NBPF12: variants seen among roughly 807,000 people sequenced by gnomAD.
NBPF12 encodes NBPF family member NBPF12.
In NBPF12, 115 loss-of-function variants were observed where a neutral mutation model predicts 146.4. The ratio of observed to expected loss-of-function variants is 0.79; its 90% CI spans 0.68 to 0.92. NBPF12 has a LOEUF of 0.92. Ranked by LOEUF, NBPF12 falls within the 40% of genes least tolerant of loss-of-function variation. The probability of loss-of-function intolerance (pLI) is 0.00; values close to 1 mark genes in which losing one functional copy is unlikely to be tolerated. For missense variants in NBPF12, 1,205 were observed against 1,326.8 expected, an observed-to-expected ratio of 0.91 and a Z score of 1.43; for synonymous variants, 385 against 508.9, an observed-to-expected ratio of 0.76 and a Z score of 3.28.
intron 7 of NBPF12, 118 bp from the exon 11 acceptor site, chr1:146,964,775 C>G: frequency 6.5e-7 from 1 of 1,533,174 alleles, no homozygotes; most frequent in East Asian, 2.2e-5. Flanking sequence ...AGGGAACCTC[C>G]ATTTTGCTTT....
intron 5 of NBPF12, 90 bp downstream of exon 8, chr1:146,962,353 G>T: frequency 2.7e-6 from 3 of 1,099,776 alleles, no homozygotes; most frequent in Admixed American, 3.4e-5. Flanking sequence ...GAACGAAGCT[G>T]GGCCAGGGAA....
At chr1:146,962,229 C>T in exon 5 of NBPF12, 1 of 1,607,450 alleles carries the variant, frequency 6.2e-7, no homozygotes, top group Non-Finnish European at 8.5e-7. Context: ...GGAGGAGAAG[C>T]TTGCAGAGCA....
At chr1:146,976,750 T>C (rs1657060508) in intron 16 of NBPF12, among the ~76,000 whole-genome samples, 179 bp from the exon 20 acceptor site, 1 of 150,754 alleles carries the variant, frequency 6.6e-6, no homozygotes, top group African/African-American at 2.5e-5. Flanking sequence ...AGATCAGAAA[T>C]GCATTGCCTG....
chr1:146,969,182 C>T (rs1656414640), intron 10 of NBPF12, among the ~76,000 whole-genome samples, 200 bp from the exon 14 acceptor site: 1 of 151,354 alleles, frequency 6.6e-6, no homozygotes, highest in Non-Finnish European at 1.5e-5. Flanking sequence ...GAGGATCTTG[C>T]AGGAGCCCTC....
rs1219140247 is a variant in NBPF12 at position 146,984,839 on chromosome 1, AAG to A, written c.2696_2697del (p.Glu899AlafsTer2). On this transcript the variant is annotated frameshift_variant, in exon 22 of 34. Transcript: ENST00000617844. LOFTEE classifies it high-confidence loss of function. ...CTCAGCAGGGAGCTGCTGGCTGAGA[AAG>A]AGCCTGAAGTCTTGCAGGACTCACT... The A allele has an allele frequency of 1.9e-6, 3 of 1,546,426 alleles. No individual in the cohort carries two copies. In the African/African-American group the frequency reaches 4.1e-5, roughly 21 times the overall value.
chr1:146,948,958 A>C (rs1436570657), upstream of NBPF12, among the ~76,000 whole-genome samples: 18 of 151,582 alleles, frequency 1.2e-4, no homozygotes, highest in Admixed American at 3.3e-4. Flanking sequence ...GTTTATGTAT[A>C]TGCACATCAA....
At chr1:146,949,275 G>A (rs1655220959), upstream of NBPF12, 1 of 148,182 alleles carries the variant, frequency 6.7e-6, no homozygotes, top group South Asian at 2.2e-4. Context: ...ACGCCCACAG[G>A]TGTGGAGGGG....
At chr1:146,945,411 C>T (rs1655007046), upstream of NBPF12, among the ~76,000 whole-genome samples, 1 of 151,502 alleles carries the variant, frequency 6.6e-6, no homozygotes, top group South Asian at 2.1e-4. Context: ...TTACCAGAAC[C>T]CTGCACTGTC....
chr1:146,971,065 C>T (rs1656579939), intron 12 of NBPF12, 118 bp from the exon 16 acceptor site: 11 of 1,530,920 alleles, frequency 7.2e-6, no homozygotes, highest in Non-Finnish European at 9.0e-6. Flanking sequence ...AGGGAACCTC[C>T]ATTTTGCTTT....
intron 2 of NBPF12, among the ~76,000 whole-genome samples, chr1:146,954,198 C>T (rs1553884134): frequency 2.0e-3 from 283 of 143,548 alleles, no homozygotes; most frequent in African/African-American, 6.6e-3. Flanking sequence ...GAGACCATCA[C>T]GCCTAACACA....
intron 8 of NBPF12, among the ~76,000 whole-genome samples, chr1:146,965,911 C>G (rs1656172936): frequency 1.3e-5 from 2 of 149,486 alleles, no homozygotes; most frequent in African/African-American, 4.9e-5. Flanking sequence ...AGATCGAAAC[C>G]AGCCTGTCCA....
intron 19 of NBPF12, among the ~76,000 whole-genome samples, chr1:146,980,762 C>T (rs1229600445): frequency 2.0e-5 from 3 of 147,340 alleles, no homozygotes; most frequent in Non-Finnish European, 4.5e-5. Flanking sequence ...CCATTTGACC[C>T]AGCCATCCCA....
At chr1:146,945,035 C>T (rs1654979818), upstream of NBPF12, among the ~76,000 whole-genome samples, 1 of 118,802 alleles carries the variant, frequency 8.4e-6, no homozygotes, top group African/African-American at 3.2e-5. Flanking sequence ...TTCCTTCCTC[C>T]CTCCCTCCCT....
At chr1:146,962,203 A>G in exon 5 of NBPF12, 1 of 1,608,630 alleles carries the variant, frequency 6.2e-7, no homozygotes, top group Non-Finnish European at 8.5e-7. Context: ...ATGCTGAGGA[A>G]TGAGCGACAG....
chr1:146,960,156 G>C, exon 4 of NBPF12: 2 of 613,318 alleles, frequency 3.3e-6, no homozygotes, highest in Admixed American at 5.9e-5. Flanking sequence ...GGTGGTATCA[G>C]CCGGCCCTTG....
chr1:146,972,114 G>A (rs1656677917), intron 13 of NBPF12, among the ~76,000 whole-genome samples: 1 of 147,030 alleles, frequency 6.8e-6, no homozygotes, highest in South Asian at 2.2e-4. Flanking sequence ...GTAAGTCTCT[G>A]ACCAGGGGCG....
chr1:146,971,097 C>G (rs1474532952), intron 12 of NBPF12, 86 bp from the exon 16 acceptor site: 17 of 1,599,068 alleles, frequency 1.1e-5, no homozygotes, highest in Middle Eastern at 2.2e-4. Flanking sequence ...CTCTTAATGC[C>G]GCTTGTCAAA....
chr1:146,971,337 G>T (rs1553886422), exon 13 of NBPF12: 2 of 1,611,842 alleles, frequency 1.2e-6, no homozygotes, highest in Admixed American at 1.7e-5. Context: ...CTCATCTCTG[G>T]TTGTAGACAG....
chr1:146,964,304 T>G (rs1656051844), intron 6 of NBPF12, 53 bp from the exon 10 acceptor site: 1 of 1,596,408 alleles, frequency 6.3e-7, no homozygotes, highest in Admixed American at 1.7e-5. Context: ...GGGCTGACTG[T>G]GCTTGCAGAA....
Sources: allele counts gnomAD v4.1 joint callset (sites outside exome capture counted in the v4.1 genomes callset), GRCh38; gene constraint gnomAD v4.1.1; transcripts MANE v1.5; gene names NCBI Gene and HGNC (gene_info 2026-07-23, HGNC 2026-07-21).